The following PRKCH variants were observed in gnomAD, a reference collection of about 807,000 sequenced individuals.
PRKCH encodes protein kinase C eta type.
A neutral mutation model predicts 82.5 loss-of-function variants in PRKCH; 28 were observed. The ratio of observed to expected loss-of-function variants is 0.34; its 90% CI spans 0.25 to 0.47. The LOEUF is 0.47. Among genes scored for constraint, PRKCH ranks in the 20% least tolerant of loss-of-function variants. The pLI is 1.00. For missense variants in PRKCH, 705 were observed against 881.8 expected (o/e 0.80, Z 2.54); for synonymous variants, 322 against 327.4 (o/e 0.98, Z 0.18).
intron 1 of PRKCH, chr14:61,281,165 C>T (rs1158592715): frequency 5.4e-5 from 71 of 1,307,554 alleles, no homozygotes; most frequent in Non-Finnish European, 6.8e-5. Context: ...GCGCGGGGAC[C>T]GACGCGCGGG....
Position 61,450,787 on chromosome 14 carries a change from C to A in PRKCH, c.703-55C>A, listed in dbSNP as rs528106322. 14 of 1,578,556 alleles carry A rather than the reference C, an allele frequency of 8.9e-6. No individual in the cohort carries two copies. The African/African-American group carries it at 1.6e-4, about 18-fold the overall frequency. ...TGATGGGCTCCTATTACAGTTTTTACAAAGGACATTGGTATGACATTTTAG... is the reference window on the plus strand; with the variant it reads ...TGATGGGCTCCTATTACAGTTTTTAAAAAGGACATTGGTATGACATTTTAG... On this transcript the variant is annotated intron_variant, in intron 5 of 13. Transcript: ENST00000332981.
intron 2 of PRKCH, among the ~76,000 whole-genome samples, chr14:61,416,349 C>T (rs745331810): frequency 7.2e-5 from 11 of 152,256 alleles, no homozygotes; most frequent in Non-Finnish European, 1.5e-4. Flanking sequence ...GCCACCATGC[C>T]CAGTCAATTT....
chr14:61,220,493 G>C (rs2044647301), intron 1 of PRKCH, among the ~76,000 whole-genome samples: 1 of 152,200 alleles, frequency 6.6e-6, no homozygotes, highest in African/African-American at 2.4e-5. Flanking sequence ...CTTACAATCG[G>C]TGACCAGAAG....
chr14:61,469,512 G>T (rs1885404330), intron 9 of PRKCH, among the ~76,000 whole-genome samples: 1 of 152,204 alleles, frequency 6.6e-6, no homozygotes, highest in South Asian at 2.1e-4. Flanking sequence ...AAGCTGGGTT[G>T]AGTCCTGCTG....
chr14:61,285,681 T>C (rs1432280974), intron 1 of PRKCH, among the ~76,000 whole-genome samples: 1 of 152,198 alleles, frequency 6.6e-6, no homozygotes, highest in Non-Finnish European at 1.5e-5. Context: ...TCAGTCCAAT[T>C]ATACTCAAAG....
intron 1 of PRKCH, among the ~76,000 whole-genome samples, chr14:61,264,770 C>T (rs931914607): frequency 6.6e-5 from 10 of 152,144 alleles, no homozygotes; most frequent in Admixed American, 2.6e-4. Context: ...CTTCAGGGCT[C>T]GCTGATTTCA....
intron 1 of PRKCH, among the ~76,000 whole-genome samples, chr14:61,388,398 A>G (rs570236518): frequency 1.3e-5 from 2 of 152,250 alleles, no homozygotes; most frequent in South Asian, 4.1e-4. Context: ...TCCTGCTTCT[A>G]ACTGGTGGAA....
chr14:61,460,532 A>G (rs1311932787), intron 9 of PRKCH, among the ~76,000 whole-genome samples: 1 of 152,170 alleles, frequency 6.6e-6, no homozygotes, highest in Non-Finnish European at 1.5e-5. Context: ...TAAGTGCTTT[A>G]TGTCTGTTAT....
In PRKCH at chr14:61,530,606, C is replaced by T. The variant is rs777121449; in HGVS notation, c.1761+11C>T. ...GGGATCCTAAAATCTGTAAGTTTGG[C>T]TTACCCAGCTAGCTTCTGATGTATT... On this transcript the variant is annotated intron_variant, in intron 12 of 13. Transcript: ENST00000332981. 1.9e-6 allele frequency: 3 copies of T among 1,581,182 alleles called. No individual in the cohort carries two copies. The highest frequency in any genetic ancestry group is 2.3e-5 in the South Asian group (2 of 85,316).
chr14:61,316,040 G>A lies in PRKCH; in HGVS notation c.-19+128372G>A, dbSNP rs556119053. On this transcript the variant is annotated intron_variant, in intron 1 of 3. Coordinates refer to the PRKCH transcript ENST00000555185. ...TGGGATTACAGGTGTGAGCCACTGC[G>A]CCCAGCCTATTTACTGTTTTTTTCT... 2.6e-5 allele frequency among the ~76,000 whole-genome samples: 4 copies of A among 152,138 alleles called. No individual in the cohort carries two copies. The South Asian group carries it at 6.2e-4, about 24-fold the overall frequency.
chr14:61,235,871 CAGG>C (rs902413713), intron 1 of PRKCH, among the ~76,000 whole-genome samples: 5 of 152,164 alleles, frequency 3.3e-5, no homozygotes, highest in African/African-American at 4.8e-5. Flanking sequence ...ATACAGCAAA[CAGG>C]AGTGTAAACT....
intron 1 of PRKCH, among the ~76,000 whole-genome samples, chr14:61,354,251 TCA>T (rs1398742238): frequency 6.6e-6 from 1 of 152,212 alleles, no homozygotes; most frequent in Non-Finnish European, 1.5e-5. Context: ...TTCTTAATTT[TCA>T]CACTTTTCCA....
At chr14:61,247,735 C>CAAAAAAAAGAA (rs2044898775) in intron 1 of PRKCH, among the ~76,000 whole-genome samples, 1 of 52,720 alleles carries the variant, frequency 1.9e-5, no homozygotes, top group Non-Finnish European at 3.2e-5. Flanking sequence ...GACTCCATCT[C>CAAAAAAAAGAA]AAAAAAAAAA....
At chr14:61,255,008 G>A (rs755675888) in intron 1 of PRKCH, among the ~76,000 whole-genome samples, 1 of 152,198 alleles carries the variant, frequency 6.6e-6, no homozygotes, top group Non-Finnish European at 1.5e-5. Context: ...TGGGAAAGCT[G>A]CCCTGTTCCA....
intron 1 of PRKCH, among the ~76,000 whole-genome samples, chr14:61,355,136 T>C (rs747032057): frequency 1.8e-4 from 27 of 152,222 alleles, no homozygotes; most frequent in Non-Finnish European, 2.9e-4. Flanking sequence ...AGTGAATCCC[T>C]TGGAAGAGGA....
chr14:61,474,648 A>G (rs1215840739), intron 9 of PRKCH, among the ~76,000 whole-genome samples: 1 of 152,328 alleles, frequency 6.6e-6, no homozygotes, highest in East Asian at 1.9e-4. Flanking sequence ...TGGCACATAT[A>G]TACCTATGTA....
At position 61,473,957 on chromosome 14, in the gene PRKCH, G is replaced by A. The variant is rs3783782; in HGVS notation, c.1279-11545G>A. ...TGCAGTGAACCAAGATCACGCCATT[G>A]CACTCCAGCCTGGGCAACAGAGCGA... On this transcript the variant is annotated intron_variant, in intron 9 of 13. Transcript: ENST00000332981. Among the ~76,000 whole-genome samples, 3,009 of 151,582 alleles carry A rather than the reference G, an allele frequency of 0.02. 233 individuals carry two copies. In the East Asian group the frequency reaches 0.28, roughly 14 times the overall value.
intron 10 of PRKCH, among the ~76,000 whole-genome samples, chr14:61,517,655 G>A (rs890454303): frequency 6.6e-6 from 1 of 152,206 alleles, no homozygotes; most frequent in Non-Finnish European, 1.5e-5. Context: ...TTCACTCTAT[G>A]AACTCGTTTG....
chr14:61,221,164 A>C (rs955125841), intron 1 of PRKCH, among the ~76,000 whole-genome samples: 3 of 152,232 alleles, frequency 2.0e-5, no homozygotes, highest in Non-Finnish European at 2.9e-5. Flanking sequence ...GGAACCCTCC[A>C]ACAGCGATCG....
Sources: allele counts gnomAD v4.1 joint callset (sites outside exome capture counted in the v4.1 genomes callset), GRCh38; gene constraint gnomAD v4.1.1; transcripts MANE v1.5; gene names NCBI Gene and HGNC (gene_info 2026-07-23, HGNC 2026-07-21).